Variants in RNGTT observed in about 807,000 individuals in gnomAD.
The protein encoded by RNGTT is RNA guanylyltransferase and 5'-phosphatase, also known as mRNA-capping enzyme.
In RNGTT, 33 loss-of-function variants were observed where a neutral mutation model predicts 79.3. The ratio of observed to expected loss-of-function variants is 0.42; its 90% confidence interval spans 0.32 to 0.56. The LOEUF is 0.56. Among genes scored for constraint, RNGTT ranks in the 20% least tolerant of loss-of-function variants. RNGTT has a pLI of 0.17. For missense variants in RNGTT, 497 were observed against 739.1 expected, an observed-to-expected ratio of 0.67 and a Z score of 3.80; for synonymous variants, 222 against 235.9, an observed-to-expected ratio of 0.94 and a Z score of 0.54.
chr6:88,851,126 T>C (rs557356480), intron 9 of RNGTT, among the ~76,000 whole-genome samples: 2 of 151,826 alleles, frequency 1.3e-5, no homozygotes, highest in African/African-American at 4.8e-5. Flanking sequence ...AACCACTAGA[T>C]TGAACATCTT....
rs1295788118 is a variant in RNGTT at position 88,960,803 on chromosome 6, A to G, written c.64+2543T>C. The stretch of plus-strand genomic sequence containing the variant: ...AAACAAATTATATGTAGTTAGTACC[A>G]TTTTCTTTCTGATTCAGGAAAATTA... On this transcript the variant is annotated intron_variant, in intron 1 of 15. Transcript: ENST00000369485. Among the ~76,000 whole-genome samples the G allele has an allele frequency of 3.9e-5, 6 of 152,190 alleles. No homozygotes were observed. In the East Asian group the frequency reaches 1.2e-3, roughly 29 times the overall value.
chr6:88,683,728 A>C (rs1775173537), intron 13 of RNGTT, among the ~76,000 whole-genome samples: 1 of 152,192 alleles, frequency 6.6e-6, no homozygotes. Context: ...GAAAATAAAC[A>C]AGTTTGCTTG....
chr6:88,839,045 A>G (rs1319188314), intron 11 of RNGTT, among the ~76,000 whole-genome samples: 1 of 147,124 alleles, frequency 6.8e-6, no homozygotes, highest in Non-Finnish European at 1.5e-5. Flanking sequence ...AAACAACTGA[A>G]TATCTATATG....
At chr6:88,864,709 G>A (rs534742335) in intron 8 of RNGTT, among the ~76,000 whole-genome samples, 1 of 152,174 alleles carries the variant, frequency 6.6e-6, no homozygotes, top group South Asian at 2.1e-4. Flanking sequence ...ATCCATGGAG[G>A]GATGAATAAG....
At chr6:88,731,589 A>C (rs540616594) in intron 13 of RNGTT, among the ~76,000 whole-genome samples, 1 of 152,328 alleles carries the variant, frequency 6.6e-6, no homozygotes, top group Admixed American at 6.5e-5. Context: ...AATATACAAC[A>C]ATAAAAAATA....
chr6:88,634,721 T>A (rs971171219), intron 14 of RNGTT, among the ~76,000 whole-genome samples: 3 of 151,910 alleles, frequency 2.0e-5, no homozygotes, highest in Non-Finnish European at 4.4e-5. Flanking sequence ...AACGAAAGAA[T>A]CTTAGAGGAG....
chr6:88,915,661 G>A (rs1031573642), intron 4 of RNGTT, among the ~76,000 whole-genome samples: 1 of 152,072 alleles, frequency 6.6e-6, no homozygotes, highest in African/African-American at 2.4e-5. Flanking sequence ...TCCCTATTGG[G>A]TACTATGTTC....
chr6:88,951,500 G>C (rs1273564043), intron 1 of RNGTT, among the ~76,000 whole-genome samples: 1 of 151,928 alleles, frequency 6.6e-6, no homozygotes, highest in Non-Finnish European at 1.5e-5. Context: ...ATTGCTCTCT[G>C]ATTTCAAGAA....
At position 88,769,826 on chromosome 6, in the gene RNGTT, T is replaced by C; in HGVS notation, c.1387A>G (p.Ser463Gly). 1 of 1,612,792 alleles carries C rather than the reference T, an allele frequency of 6.2e-7. No homozygotes were observed. ...CDDILKWKPP[S>G]LNSVDFRLKI... ...AGACGAAAATCCACAGAATTCAGAC[T>C]GGGAGGCTTCCATTTCAAAATATCA... is the stretch of plus-strand genomic sequence containing the variant. The change falls in exon 13 of 16, where the codon AGT becomes GGT. Residue 463 changes from serine to glycine, a missense_variant. Ser to Gly is a moderately conservative substitution (Grantham distance 56). This residue lies in a region of RNGTT where 440 missense variants were observed against 671.5 expected (regional missense o/e 0.66). Coordinates refer to ENST00000369485, the MANE Select transcript of RNGTT (RefSeq NM_003800.5).
chr6:88,681,616 T>A (rs1229494288), intron 13 of RNGTT, among the ~76,000 whole-genome samples: 1 of 152,180 alleles, frequency 6.6e-6, no homozygotes, highest in Non-Finnish European at 1.5e-5. Context: ...TATAGTCAAG[T>A]AATATGTAAC....
intron 13 of RNGTT, among the ~76,000 whole-genome samples, chr6:88,736,547 G>T (rs1283877894): frequency 1.3e-5 from 2 of 152,162 alleles, no homozygotes; most frequent in Non-Finnish European, 2.9e-5. Context: ...TAAAAGAGAA[G>T]CTTGGTTACT....
chr6:88,929,839 T>C (rs954434903), intron 2 of RNGTT, among the ~76,000 whole-genome samples: 3 of 151,516 alleles, frequency 2.0e-5, no homozygotes, highest in African/African-American at 7.3e-5. Context: ...CACATATACA[T>C]ATACACACAT....
chr6:88,907,890 C>T (rs974505454), intron 4 of RNGTT, among the ~76,000 whole-genome samples: 2 of 151,932 alleles, frequency 1.3e-5, no homozygotes, highest in Non-Finnish European at 2.9e-5. Flanking sequence ...GCTCACACCA[C>T]CATCCCCAGC....
At chr6:88,657,809 C>A (rs1774035394) in intron 14 of RNGTT, among the ~76,000 whole-genome samples, 1 of 152,118 alleles carries the variant, frequency 6.6e-6, no homozygotes, top group African/African-American at 2.4e-5. Context: ...GCCTGGTGAC[C>A]TGTATGATGC....
intron 14 of RNGTT, among the ~76,000 whole-genome samples, 169 bp from the exon 15 acceptor site, chr6:88,614,564 C>A (rs1441578291): frequency 6.6e-6 from 1 of 152,192 alleles, no homozygotes; most frequent in Non-Finnish European, 1.5e-5. Flanking sequence ...GGTGTGCACT[C>A]CCTTGTACAC....
chr6:88,677,317 G>A (rs1211325979), intron 14 of RNGTT, among the ~76,000 whole-genome samples: 1 of 151,142 alleles, frequency 6.6e-6, no homozygotes, highest in Non-Finnish European at 1.5e-5. Flanking sequence ...GGGCAGGAGG[G>A]GGAAATTTCA....
intron 12 of RNGTT, among the ~76,000 whole-genome samples, chr6:88,794,680 A>G (rs575761128): frequency 1.3e-5 from 2 of 152,176 alleles, no homozygotes; most frequent in Non-Finnish European, 2.9e-5. Context: ...ACCAAAAGAG[A>G]GCTTGTGAGG....
intron 13 of RNGTT, among the ~76,000 whole-genome samples, chr6:88,712,870 CATG>C (rs1353099933): frequency 2.6e-5 from 4 of 152,112 alleles, no homozygotes; most frequent in African/African-American, 7.2e-5. Flanking sequence ...AAGAAATCTC[CATG>C]ATGTTACAAT....
At chr6:88,623,696 T>C (rs952279123) in intron 14 of RNGTT, among the ~76,000 whole-genome samples, 3 of 152,064 alleles carry the variant, frequency 2.0e-5, no homozygotes, top group Non-Finnish European at 4.4e-5. Flanking sequence ...ACAATTACTT[T>C]TGAAAAATGT....
Sources: gnomAD v4.1 joint callset for allele counts (sites outside exome capture counted in the v4.1 genomes callset) on GRCh38, gnomAD v4.1.1 for gene constraint, gnomAD v4.1.1 regional missense constraint, MANE v1.5 for transcripts, NCBI Gene and HGNC (gene_info 2026-07-23, HGNC 2026-07-21) for gene names.